Variants in PDE4D observed in about 807,000 individuals in gnomAD.
The protein encoded by PDE4D is phosphodiesterase 4D.
A neutral mutation model predicts 87.4 loss-of-function variants in PDE4D; 24 were observed. The observed-to-expected ratio is 0.27, with a 90% CI of 0.20 to 0.39. The LOEUF (loss-of-function observed/expected upper bound fraction) is 0.39. PDE4D is among the 10% of genes least tolerant of loss of function. The probability of loss-of-function intolerance (pLI) is 1.00; values close to 1 mark genes in which losing one functional copy is unlikely to be tolerated. For synonymous variants in PDE4D, 384 were observed against 383.2 expected (o/e 1.00, Z -0.02); for missense variants, 714 against 1,041.0 (o/e 0.69, Z 4.32).
intron 6 of PDE4D, among the ~76,000 whole-genome samples, chr5:59,009,396 A>G (rs1752314187): frequency 6.6e-6 from 1 of 152,178 alleles, no homozygotes; most frequent in Non-Finnish European, 1.5e-5. Flanking sequence ...GAAATACTAA[A>G]AAGCAATAAA....
rs867355301 is a variant in PDE4D at position 59,172,028 on chromosome 5, A to T, written c.808+8567T>A. Among the ~76,000 whole-genome samples the T allele has an allele frequency of 7.6e-3, 62 of 8,166 alleles. 1 individual carries two copies. Among genetic ancestry groups the T allele is most frequent in the East Asian group, 0.018 (14 of 770 alleles). The allele number at this position is 8,166 out of a possible 152,430, so 5.4% of individuals were successfully genotyped here. ...ATAAATATATATTATATATATAATA[A>T]ATATATATTATATATATAATATATA... On this transcript the variant is annotated intron_variant, in intron 5 of 14. Coordinates refer to ENST00000340635, the MANE Select transcript of PDE4D (RefSeq NM_001104631.2).
At chr5:59,452,585 G>C (rs751535376) in intron 1 of PDE4D, among the ~76,000 whole-genome samples, 9 of 152,170 alleles carry the variant, frequency 5.9e-5, no homozygotes, top group Non-Finnish European at 1.0e-4. Flanking sequence ...CTCAGGTAGA[G>C]AGAGTAAAAC....
chr5:59,912,712 T>A (rs920014240), intron 3 of PDE4D, among the ~76,000 whole-genome samples: 1 of 152,188 alleles, frequency 6.6e-6, no homozygotes, highest in Admixed American at 6.6e-5. Flanking sequence ...AAATACATAA[T>A]TATTGAGCAC....
At chr5:59,112,667 G>A (rs1048476118) in intron 5 of PDE4D, among the ~76,000 whole-genome samples, 2 of 152,126 alleles carry the variant, frequency 1.3e-5, no homozygotes, top group Admixed American at 6.5e-5. Context: ...CTGAGCAACT[G>A]AGATGAAGAA....
At chr5:59,089,113 T>C (rs1373155935) in intron 5 of PDE4D, among the ~76,000 whole-genome samples, 1 of 152,226 alleles carries the variant, frequency 6.6e-6, no homozygotes, top group East Asian at 1.9e-4. Flanking sequence ...TATCAGAGTT[T>C]CCTGCTGTAT....
intron 1 of PDE4D, among the ~76,000 whole-genome samples, chr5:59,242,940 C>T (rs938397681): frequency 6.6e-6 from 1 of 152,108 alleles, no homozygotes; most frequent in African/African-American, 2.4e-5. Context: ...AAATGATTAG[C>T]TCTCAGTGTT....
At chr5:59,808,588 G>A (rs1356804287) in intron 1 of PDE4D, among the ~76,000 whole-genome samples, 2 of 152,028 alleles carry the variant, frequency 1.3e-5, no homozygotes, top group Non-Finnish European at 1.5e-5. Context: ...ACGTTTGTGT[G>A]TGTGTGTGTG....
intron 5 of PDE4D, among the ~76,000 whole-genome samples, chr5:59,125,741 A>T (rs1243600087): frequency 6.6e-6 from 1 of 152,120 alleles, no homozygotes; most frequent in African/African-American, 2.4e-5. Flanking sequence ...GCGATGGGGG[A>T]GCGAATGACA....
intron 1 of PDE4D, among the ~76,000 whole-genome samples, chr5:59,614,390 T>A (rs1005514211): frequency 6.6e-6 from 1 of 152,222 alleles, no homozygotes; most frequent in Non-Finnish European, 1.5e-5. Context: ...TTGTTTTATC[T>A]TTTAACTAAA....
At chr5:59,753,616 A>G (rs2150738649) in intron 1 of PDE4D, among the ~76,000 whole-genome samples, 1 of 152,298 alleles carries the variant, frequency 6.6e-6, no homozygotes, top group Non-Finnish European at 1.5e-5. Flanking sequence ...AACATACTGA[A>G]TAAGGTCAAA....
chr5:59,838,320 C>A (rs1742457313), intron 1 of PDE4D, among the ~76,000 whole-genome samples: 2 of 152,030 alleles, frequency 1.3e-5, no homozygotes, highest in African/African-American at 2.4e-5. Context: ...TCTTACCTAA[C>A]AAAGAAGAAA....
chr5:60,471,684 G>A (rs1003714592), intron 1 of PDE4D, among the ~76,000 whole-genome samples: 1 of 152,186 alleles, frequency 6.6e-6, no homozygotes, highest in African/African-American at 2.4e-5. Context: ...TGCAGGCTCA[G>A]TGATCATTAG....
chr5:60,336,261 G>T (rs771250744), intron 1 of PDE4D, among the ~76,000 whole-genome samples: 1 of 152,186 alleles, frequency 6.6e-6, no homozygotes, highest in African/African-American at 2.4e-5. Context: ...CCTTGGCATT[G>T]CTCAGTAAGC....
At chr5:59,576,198 G>A (rs1279408303) in intron 1 of PDE4D, among the ~76,000 whole-genome samples, 1 of 152,058 alleles carries the variant, frequency 6.6e-6, no homozygotes, top group Non-Finnish European at 1.5e-5. Context: ...GCAACCCTAT[G>A]CAATGAGAAC....
At chr5:60,366,217 T>G (rs1760528194) in intron 1 of PDE4D, among the ~76,000 whole-genome samples, 1 of 152,096 alleles carries the variant, frequency 6.6e-6, no homozygotes, top group Non-Finnish European at 1.5e-5. Context: ...TTTCCCCTTG[T>G]TTGTGCAGAT....
chr5:59,982,418 C>G (rs893723498), intron 3 of PDE4D, among the ~76,000 whole-genome samples: 15 of 152,140 alleles, frequency 9.9e-5, no homozygotes, highest in Non-Finnish European at 1.8e-4. Flanking sequence ...ATTCCCATAA[C>G]TTCCCACCTG....
At chr5:59,894,091 T>A (rs536420447), upstream of PDE4D, among the ~76,000 whole-genome samples, 9 of 152,144 alleles carry the variant, frequency 5.9e-5, no homozygotes, top group East Asian at 1.6e-3. Flanking sequence ...GTTGGACAGC[T>A]CCAGGCTGGC....
chr5:59,232,336 C>A (rs1346453459), intron 1 of PDE4D, among the ~76,000 whole-genome samples: 4 of 151,632 alleles, frequency 2.6e-5, no homozygotes, highest in South Asian at 2.1e-4. Context: ...AAAACCAAAC[C>A]AAACCCAAAT....
chr5:60,063,622 G>C (rs989650701), intron 2 of PDE4D, among the ~76,000 whole-genome samples: 2 of 152,078 alleles, frequency 1.3e-5, no homozygotes, highest in Non-Finnish European at 2.9e-5. Context: ...TGTTATGAAA[G>C]CTCCCTTGAA....
Sources: gnomAD v4.1 joint callset for allele counts (sites outside exome capture counted in the v4.1 genomes callset) on GRCh38, gnomAD v4.1.1 for gene constraint, MANE v1.5 for transcripts, NCBI Gene and HGNC (gene_info 2026-07-23, HGNC 2026-07-21) for gene names.